Variants in LRRTM3 observed in about 807,000 individuals in gnomAD.
LRRTM3 encodes leucine-rich repeat transmembrane neuronal protein 3.
In LRRTM3, 24 loss-of-function variants were observed where a neutral mutation model predicts 44.7. The ratio of observed to expected loss-of-function variants is 0.54; its 90% CI spans 0.39 to 0.76. The LOEUF is 0.76. Ranked by LOEUF, LRRTM3 falls within the 30% of genes least tolerant of loss-of-function variation. LRRTM3 has a pLI of 0.00. For synonymous variants in LRRTM3, 277 were observed against 278.7 expected, an observed-to-expected ratio of 0.99 and a Z score of 0.06; for missense variants, 587 against 702.2, an observed-to-expected ratio of 0.84 and a Z score of 1.85.
chr10:66,979,571 C>T (rs765768356), intron 2 of LRRTM3, among the ~76,000 whole-genome samples: 15 of 152,008 alleles, frequency 9.9e-5, no homozygotes, highest in African/African-American at 2.2e-4. Context: ...TCTGGCCATG[C>T]GACCTGGAAG....
At chr10:66,984,160 A>T (rs1457067757) in intron 2 of LRRTM3, among the ~76,000 whole-genome samples, 5 of 148,484 alleles carry the variant, frequency 3.4e-5, no homozygotes, top group Non-Finnish European at 7.5e-5. Context: ...ACCAAAAAAA[A>T]CACTTTTTAA....
intron 2 of LRRTM3, among the ~76,000 whole-genome samples, chr10:67,001,785 A>G (rs1403292342): frequency 6.6e-6 from 1 of 152,202 alleles, no homozygotes; most frequent in Middle Eastern, 3.2e-3. Flanking sequence ...CATGTAATAA[A>G]AAAGGGTGCT....
chr10:67,086,138 G>T (rs754759624), intron 2 of LRRTM3, among the ~76,000 whole-genome samples: 3 of 152,034 alleles, frequency 2.0e-5, no homozygotes, highest in Non-Finnish European at 4.4e-5. Flanking sequence ...ATAAATGGAT[G>T]AAGGGGTGGA....
chr10:66,966,610 A>T (rs1053093148), intron 2 of LRRTM3, among the ~76,000 whole-genome samples: 1 of 152,064 alleles, frequency 6.6e-6, no homozygotes, highest in Non-Finnish European at 1.5e-5. Flanking sequence ...AATTTAATAG[A>T]TCATACACCT....
At chr10:67,057,465 C>T (rs1855507771) in intron 2 of LRRTM3, among the ~76,000 whole-genome samples, 2 of 152,146 alleles carry the variant, frequency 1.3e-5, no homozygotes, top group African/African-American at 2.4e-5. Context: ...CTACTCTCTG[C>T]TTCTGTGTAT....
At chr10:67,049,335 A>G (rs1479559783) in intron 2 of LRRTM3, among the ~76,000 whole-genome samples, 1 of 152,156 alleles carries the variant, frequency 6.6e-6, no homozygotes, top group African/African-American at 2.4e-5. Flanking sequence ...ATGTCAGGGA[A>G]AAAGCATTAA....
At chr10:67,096,952 A>G (rs1379554835) in intron 2 of LRRTM3, among the ~76,000 whole-genome samples, 1 of 151,934 alleles carries the variant, frequency 6.6e-6, no homozygotes, top group East Asian at 1.9e-4. Context: ...AATAAATATT[A>G]AGAAGTCATG....
intron 2 of LRRTM3, among the ~76,000 whole-genome samples, chr10:67,001,130 GT>G (rs1851660877): frequency 6.6e-6 from 1 of 151,448 alleles, no homozygotes; most frequent in East Asian, 2.0e-4. Flanking sequence ...ATGAAACCCT[GT>G]CTCTACTAAA....
intron 2 of LRRTM3, among the ~76,000 whole-genome samples, chr10:67,079,858 A>AACACACACACACACAC (rs199928311): frequency 1.4e-5 from 2 of 141,266 alleles, no homozygotes; most frequent in Non-Finnish European, 3.0e-5. Context: ...AAAAAAACAA[A>AACACACACACACACAC]ACACACACAC....
At chr10:66,934,970 T>C (rs1564778012) in intron 2 of LRRTM3, among the ~76,000 whole-genome samples, 1 of 152,116 alleles carries the variant, frequency 6.6e-6, no homozygotes. Context: ...GAAAATGTCA[T>C]CAGACAGTGA....
intron 2 of LRRTM3, among the ~76,000 whole-genome samples, chr10:67,008,269 ATAT>A (rs754621979): frequency 3.4e-4 from 52 of 152,228 alleles, no homozygotes; most frequent in Middle Eastern, 6.8e-3. Flanking sequence ...CATCAATTTG[ATAT>A]TATATTTTTC....
intron 2 of LRRTM3, among the ~76,000 whole-genome samples, chr10:67,014,690 T>C (rs1050390417): frequency 1.3e-5 from 2 of 152,062 alleles, no homozygotes; most frequent in African/African-American, 4.8e-5. Context: ...ATTGAGATGA[T>C]ATATGTCCTA....
chr10:67,082,578 C>G (rs1462425872), intron 2 of LRRTM3, among the ~76,000 whole-genome samples: 1 of 152,076 alleles, frequency 6.6e-6, no homozygotes, highest in South Asian at 2.1e-4. Flanking sequence ...ACTTCACAAG[C>G]CTCCTAGGAA....
intron 2 of LRRTM3, among the ~76,000 whole-genome samples, chr10:66,989,280 T>G (rs555392947): frequency 2.0e-5 from 3 of 152,280 alleles, no homozygotes; most frequent in Admixed American, 2.0e-4. Context: ...TATTTTAGAA[T>G]ACAGCATAAA....
At chr10:67,038,417 G>A (rs536479771) in intron 2 of LRRTM3, among the ~76,000 whole-genome samples, 8 of 152,010 alleles carry the variant, frequency 5.3e-5, no homozygotes, top group South Asian at 2.1e-4. Context: ...ACAAAAATAC[G>A]TACTATAAGA....
At chr10:67,097,040 G>A (rs1320835273) in intron 2 of LRRTM3, among the ~76,000 whole-genome samples, 2 of 151,844 alleles carry the variant, frequency 1.3e-5, no homozygotes, top group East Asian at 3.9e-4. Flanking sequence ...TGGATTAATA[G>A]TCCAGCATCA....
intron 2 of LRRTM3, among the ~76,000 whole-genome samples, chr10:66,930,110 A>G (rs1847293964): frequency 6.6e-6 from 1 of 152,162 alleles, no homozygotes; most frequent in Non-Finnish European, 1.5e-5. Context: ...AATCTAGGCA[A>G]GTCACCATAA....
rs17196483 is a variant in LRRTM3, at chr10:67,100,365, A to G, written c.*2569A>G. ...AACCAAAAGGGTCTTTAGCAAGAAA[A>G]AAAATGCTGGATGATGATTATTATT... On this transcript the variant is annotated 3_prime_UTR_variant, in exon 3 of 3. Transcript: ENST00000361320. Among the ~76,000 whole-genome samples, 9,664 of 151,816 alleles carry G rather than the reference A, an allele frequency of 0.064. 370 individuals carry two copies. The highest frequency in any genetic ancestry group is 0.19 in the South Asian group (892 of 4,820).
At chr10:66,932,833 A>G (rs1165682429) in intron 2 of LRRTM3, among the ~76,000 whole-genome samples, 1 of 152,202 alleles carries the variant, frequency 6.6e-6, no homozygotes, top group Admixed American at 6.5e-5. Flanking sequence ...AATAAAATCT[A>G]AATAACAATA....
Sources: gnomAD v4.1 joint callset for allele counts (sites outside exome capture counted in the v4.1 genomes callset) on GRCh38, gnomAD v4.1.1 for gene constraint, MANE v1.5 for transcripts, NCBI Gene and HGNC (gene_info 2026-07-23, HGNC 2026-07-21) for gene names.